AGAP1: variants seen among roughly 807,000 people sequenced by gnomAD.
AGAP1 encodes ArfGAP with GTPase domain, ankyrin repeat and PH domain 1.
A neutral mutation model predicts 105.3 loss-of-function variants in AGAP1; 29 were observed. The observed-to-expected ratio is 0.28, with a 90% CI of 0.21 to 0.38. The LOEUF is 0.38. AGAP1 is among the 10% of genes least tolerant of loss of function. The probability of loss-of-function intolerance (pLI) is 1.00; values close to 1 mark genes in which losing one functional copy is unlikely to be tolerated. For missense variants in AGAP1, 998 were observed against 1,165.1 expected, an observed-to-expected ratio of 0.86 and a Z score of 2.09; for synonymous variants, 509 against 485.9, an observed-to-expected ratio of 1.05 and a Z score of -0.63.
In AGAP1 at chr2:235,556,995, C is replaced by T. The variant is rs1045847113; in HGVS notation, c.163+62146C>T. 6.6e-6 allele frequency among the ~76,000 whole-genome samples: 1 copy of T among 152,176 alleles called. No individual in the cohort carries two copies. Among genetic ancestry groups the T allele is most frequent in the Non-Finnish European group, 1.5e-5 (1 of 68,046 alleles). ...TTTAGTGCACACCTCTTTTGTGCAA[C>T]TCAGGGCTTTCTGGAGGTTGGGGGG... is the stretch of plus-strand genomic sequence containing the variant. On this transcript the variant is annotated intron_variant, in intron 1 of 17. Transcript: ENST00000304032. The surrounding 1 kb of genome is among the most constrained non-coding windows in gnomAD (Gnocchi z 5.3).
chr2:235,772,704 G>A (rs976799222), intron 6 of AGAP1, among the ~76,000 whole-genome samples: 6 of 152,230 alleles, frequency 3.9e-5, no homozygotes, highest in South Asian at 4.1e-4. Flanking sequence ...CTGAACACAA[G>A]GCAGAGAGTT....
chr2:235,740,846 C>T lies in AGAP1; in HGVS notation c.311-117C>T. The T allele has an allele frequency of 8.8e-7, 1 of 1,131,752 alleles. No individual in the cohort carries two copies. The highest frequency in any genetic ancestry group is 1.3e-6 in the Non-Finnish European group (1 of 782,432). 70.1% of individuals were successfully genotyped at this position (1,131,752 alleles called of 1,614,324 possible). A position where few individuals can be genotyped will look rare whatever the true frequency, so the allele number is the denominator to read the frequency against. On this transcript the variant is annotated intron_variant, in intron 3 of 17. Coordinates refer to ENST00000304032, the MANE Select transcript of AGAP1 (RefSeq NM_001037131.3). This position sits in a 1 kb window ranked among gnomAD's most constrained non-coding sequence, Gnocchi z 5.7. The stretch of plus-strand genomic sequence containing the variant: ...ATTTGCTGGCAACATCCTAAATACT[C>T]AGTTGCCTCCAGGGCGACAGCCTAG...
At chr2:235,774,514 G>T in intron 6 of AGAP1, 1 of 344,758 alleles carries the variant, frequency 2.9e-6, no homozygotes, top group Non-Finnish European at 6.0e-6. Flanking sequence ...TTTAAGTGTA[G>T]TAGCCTAAAA....
chr2:235,708,022 G>A (rs1950641779), intron 1 of AGAP1, among the ~76,000 whole-genome samples: 1 of 152,228 alleles, frequency 6.6e-6, no homozygotes, highest in South Asian at 2.1e-4. Flanking sequence ...TCAGATGCTG[G>A]TTTTGCCCTC....
chr2:236,101,020 A>C lies in AGAP1; in HGVS notation c.2115-19172A>C, dbSNP rs140339764. Among the ~76,000 whole-genome samples, 1,298 of 152,254 alleles carry C rather than the reference A, an allele frequency of 8.5e-3. 20 individuals are homozygous for C. The highest frequency in any genetic ancestry group is 0.029 in the African/African-American group (1,196 of 41,568). The stretch of plus-strand genomic sequence containing the variant: ...ACTGCAAAGAATGTGAGCATCAGCT[A>C]GGCTGACACAGGGGTCCGCAGACCC... On this transcript the variant is annotated intron_variant, in intron 16 of 17. Transcript: ENST00000304032. This position sits in a 1 kb window ranked among gnomAD's most constrained non-coding sequence, Gnocchi z 4.9.
chr2:235,839,348 G>A (rs1960535383), intron 9 of AGAP1, among the ~76,000 whole-genome samples: 1 of 152,188 alleles, frequency 6.6e-6, no homozygotes, highest in Non-Finnish European at 1.5e-5. Context: ...CTCCGTCCAC[G>A]GAGGGTCAGA....
At position 236,104,491 on chromosome 2, in the gene AGAP1, A is replaced by T. The variant is rs566785942; in HGVS notation, c.2115-15701A>T. Reference sequence around the variant, plus strand: ...CCTCACAAAATCCTTGTCCCTTCTCAGATTCCTTGGGGGCACAGGGCTGTG... The same window carrying T: ...CCTCACAAAATCCTTGTCCCTTCTCTGATTCCTTGGGGGCACAGGGCTGTG... On this transcript the variant is annotated intron_variant, in intron 16 of 17. Transcript: ENST00000304032. The surrounding 1 kb of genome is among the most constrained non-coding windows in gnomAD (Gnocchi z 4.7). Among the ~76,000 whole-genome samples, 20 of 152,346 alleles carry T rather than the reference A, an allele frequency of 1.3e-4. 1 individual carries two copies. In the South Asian group the frequency reaches 4.1e-3, roughly 32 times the overall value.
chr2:235,740,105 T>C lies in AGAP1; in HGVS notation c.311-858T>C, dbSNP rs942514662. On this transcript the variant is annotated intron_variant, in intron 3 of 17. Transcript: ENST00000304032. This position sits in a 1 kb window ranked among gnomAD's most constrained non-coding sequence, Gnocchi z 5.7. ...AGAGCCCAGGATCTGGAGGGGGACG[T>C]CTGTCATTGGAGAAGGCAGAGGAGC... 5.3e-5 allele frequency among the ~76,000 whole-genome samples: 8 copies of C among 152,034 alleles called. No homozygotes were observed. The highest frequency in any genetic ancestry group is 1.3e-4 in the Admixed American group (2 of 15,272).
chr2:235,636,791 A>T (rs1042832577), intron 1 of AGAP1, among the ~76,000 whole-genome samples: 1 of 152,098 alleles, frequency 6.6e-6, no homozygotes, highest in Non-Finnish European at 1.5e-5. Flanking sequence ...ATTATTTAGG[A>T]TGAGGTCATG....
intron 11 of AGAP1, among the ~76,000 whole-genome samples, chr2:235,928,142 C>T (rs2052543885): frequency 6.6e-6 from 1 of 152,236 alleles, no homozygotes; most frequent in South Asian, 2.1e-4. Flanking sequence ...TGTCATTGTC[C>T]TTTTCCACCT....
At chr2:235,585,279 T>G (rs769965340) in intron 1 of AGAP1, among the ~76,000 whole-genome samples, 1 of 152,160 alleles carries the variant, frequency 6.6e-6, no homozygotes, top group Non-Finnish European at 1.5e-5. Context: ...TTTCCTTGCT[T>G]TTTCCAGCCT....
chr2:235,506,868 C>T (rs1941839013), intron 1 of AGAP1: 1 of 152,456 alleles, frequency 6.6e-6, no homozygotes, highest in South Asian at 2.1e-4. Context: ...GCATAGACAC[C>T]TCAGCCGTCT....
At position 236,000,999 on chromosome 2, in the gene AGAP1, G is replaced by C. The variant is rs1486068654; in HGVS notation, c.1645+32376G>C. On this transcript the variant is annotated intron_variant, in intron 13 of 17. Coordinates refer to ENST00000304032, the MANE Select transcript of AGAP1 (RefSeq NM_001037131.3). This position sits in a 1 kb window ranked among gnomAD's most constrained non-coding sequence, Gnocchi z 4.3. ...TTGGCTGAATTGTGACCTCCAGAAA[G>C]AGATGAGTTGTCCTAACCCCCACTA... 6.6e-6 allele frequency among the ~76,000 whole-genome samples: 1 copy of C among 152,166 alleles called. No individual in the cohort carries two copies.
intron 1 of AGAP1, chr2:235,670,389 C>G (rs1405382251): frequency 3.6e-6 from 2 of 561,770 alleles, no homozygotes; most frequent in African/African-American, 2.0e-5. Context: ...ACCTTCCGCA[C>G]CCGCAGCACC....
Position 235,599,178 on chromosome 2 carries a change from A to G in AGAP1, c.163+104329A>G, listed in dbSNP as rs1945644492. 6.6e-6 allele frequency among the ~76,000 whole-genome samples: 1 copy of G among 152,216 alleles called. No homozygotes were observed. Among genetic ancestry groups the G allele is most frequent in the Non-Finnish European group, 1.5e-5 (1 of 68,040 alleles). On this transcript the variant is annotated intron_variant, in intron 1 of 17. Transcript: ENST00000304032. This position sits in a 1 kb window ranked among gnomAD's most constrained non-coding sequence, Gnocchi z 5.3. ...AACAAAGAAATTTCTAGCTGCTTGTAGAAGACACCCCAGGGTACGCAGCCA... is the reference window on the plus strand; with the variant it reads ...AACAAAGAAATTTCTAGCTGCTTGTGGAAGACACCCCAGGGTACGCAGCCA...
chr2:236,043,462 C>T (rs542423795), intron 15 of AGAP1, among the ~76,000 whole-genome samples: 7 of 152,192 alleles, frequency 4.6e-5, no homozygotes, highest in African/African-American at 1.2e-4. Flanking sequence ...CACGGTGGCT[C>T]ACGCCTGTAA....
In AGAP1 at chr2:235,577,472, C is replaced by T. The variant is rs1468663288; in HGVS notation, c.163+82623C>T. On this transcript the variant is annotated intron_variant, in intron 1 of 17. Transcript: ENST00000304032. The surrounding 1 kb of genome is among the most constrained non-coding windows in gnomAD (Gnocchi z 4.5). ...CTTTGCCAGATGAGACACTGCCTCT[C>T]GCTGAATGCCTGCTTGGAGCAGAGT... Among the ~76,000 whole-genome samples the T allele has an allele frequency of 6.6e-6, 1 of 152,090 alleles. No individual in the cohort carries two copies. Among genetic ancestry groups the T allele is most frequent in the Non-Finnish European group, 1.5e-5 (1 of 68,032 alleles).
At chr2:235,839,201 G>C (rs1314567994) in intron 9 of AGAP1, among the ~76,000 whole-genome samples, 1 of 152,206 alleles carries the variant, frequency 6.6e-6, no homozygotes, top group Admixed American at 6.5e-5. Flanking sequence ...GTTTGAAATA[G>C]AAAGTCTGAG....
intron 9 of AGAP1, among the ~76,000 whole-genome samples, chr2:235,814,172 T>C (rs1458696205): frequency 6.6e-6 from 1 of 152,246 alleles, no homozygotes; most frequent in African/African-American, 2.4e-5. Context: ...CTGGAATGCC[T>C]GTCCTCGCCT....
Sources: gnomAD v4.1 joint callset for allele counts (sites outside exome capture counted in the v4.1 genomes callset) on GRCh38, gnomAD v4.1.1 for gene constraint, Gnocchi (gnomAD v3.1) non-coding constraint, MANE v1.5 for transcripts, NCBI Gene and HGNC (gene_info 2026-07-23, HGNC 2026-07-21) for gene names.